Variants in LRIT3 observed in about 807,000 individuals in gnomAD.
The protein encoded by LRIT3 is leucine rich repeat, Ig-like and transmembrane domains 3, also known as leucine-rich repeat, immunoglobulin-like domain and transmembrane domain-containing protein 3.
In LRIT3, 14 loss-of-function variants were observed where a neutral mutation model predicts 22.6. The ratio of observed to expected loss-of-function variants is 0.62; its 90% CI spans 0.41 to 0.97. The LOEUF (loss-of-function observed/expected upper bound fraction) is 0.97. Ranked by LOEUF, LRIT3 falls within the 50% of genes least tolerant of loss-of-function variation. The pLI is 0.00. For missense variants in LRIT3, 783 were observed against 803.0 expected (o/e 0.98, Z 0.30); for synonymous variants, 306 against 304.5 (o/e 1.01, Z -0.05).
Position 109,850,422 on chromosome 4 carries a change from C to CCTCTTTCTTTCTTTCTTTCTTT in LRIT3, c.117-1080_117-1079insCTTTCTTTCTTTCTTTCTTTCT, listed in dbSNP as rs1734205260. 3.6e-5 allele frequency among the ~76,000 whole-genome samples: 2 copies of CCTCTTTCTTTCTTTCTTTCTTT among 55,088 alleles called. 1 individual carries two copies. 36.1% of individuals were successfully genotyped at this position (55,088 alleles called of 152,430 possible). On this transcript the variant is annotated intron_variant, in intron 1 of 3. Coordinates refer to ENST00000594814, the MANE Select transcript of LRIT3 (RefSeq NM_198506.5). ...TCCTTCCTTCCTTCCTTCCTTCCTTCCTTTCTTTCTTTCTTTCTTTCTTTC... is the reference window on the plus strand; with the variant it reads ...TCCTTCCTTCCTTCCTTCCTTCCTTCCTCTTTCTTTCTTTCTTTCTTTCTTTCTTTCTTTCTTTCTTTCTTTC...
At chr4:109,857,217 G>C (rs1342094693) in intron 2 of LRIT3, among the ~76,000 whole-genome samples, 1 of 150,560 alleles carries the variant, frequency 6.6e-6, no homozygotes, top group African/African-American at 2.4e-5. Flanking sequence ...TAGTTTTGTT[G>C]GACTCCATAT....
intron 2 of LRIT3, among the ~76,000 whole-genome samples, chr4:109,852,453 A>T (rs1734296930): frequency 6.6e-6 from 1 of 152,170 alleles, no homozygotes; most frequent in Admixed American, 6.5e-5. Flanking sequence ...AAATTTCCTT[A>T]ATCTAAAAAG....
chr4:109,867,636 T>G lies in LRIT3; in HGVS notation c.590-5T>G, dbSNP rs1209170917. Reference sequence around the variant, plus strand: ...TTTGTCAACCTTTCCCACCTTCTGTTTTAGGTCTACAGGACAATCCTTGGT... The same window carrying G: ...TTTGTCAACCTTTCCCACCTTCTGTGTTAGGTCTACAGGACAATCCTTGGT... On this transcript the variant is annotated splice_region_variant and splice_polypyrimidine_tract_variant and intron_variant, in intron 2 of 3. Coordinates refer to ENST00000594814, the MANE Select transcript of LRIT3 (RefSeq NM_198506.5). 14 of 1,609,200 alleles carry G rather than the reference T, an allele frequency of 8.7e-6. No homozygotes were observed. Among genetic ancestry groups the G allele is most frequent in the Admixed American group, 1.7e-5 (1 of 59,860 alleles).
chr4:109,850,407 C>T (rs1430245066), intron 1 of LRIT3, among the ~76,000 whole-genome samples: 2,343 of 9,316 alleles, frequency 0.25, 76 homozygotes, highest in African/African-American at 0.4. Flanking sequence ...TCCTTCCTTC[C>T]TTCCTTCCTT....
At chr4:109,861,504 A>C (rs1443430663) in intron 2 of LRIT3, among the ~76,000 whole-genome samples, 3 of 147,788 alleles carry the variant, frequency 2.0e-5, no homozygotes, top group Non-Finnish European at 4.5e-5. Flanking sequence ...TTTTCATTTC[A>C]GCTATTCTGG....
chr4:109,860,699 T>A (rs1734515861), intron 2 of LRIT3, among the ~76,000 whole-genome samples: 1 of 152,234 alleles, frequency 6.6e-6, no homozygotes, highest in Admixed American at 6.5e-5. Flanking sequence ...AAGTTCTGTG[T>A]TTCTTTCCAG....
chr4:109,855,741 C>G (rs1002895176), intron 2 of LRIT3, among the ~76,000 whole-genome samples: 6 of 152,156 alleles, frequency 3.9e-5, no homozygotes, highest in African/African-American at 1.4e-4. Flanking sequence ...TATGTTCTGT[C>G]TTTGTTCTCA....
intron 2 of LRIT3, among the ~76,000 whole-genome samples, chr4:109,858,590 A>G (rs149868520): frequency 5.5e-4 from 84 of 152,302 alleles, no homozygotes; most frequent in Non-Finnish European, 9.8e-4. Flanking sequence ...TAGATTGAAC[A>G]TCTTTCCACC....
intron 1 of LRIT3, among the ~76,000 whole-genome samples, chr4:109,850,986 CA>C (rs1266205111): frequency 6.6e-6 from 1 of 151,720 alleles, no homozygotes; most frequent in Non-Finnish European, 1.5e-5. Flanking sequence ...ATTCTCTGAA[CA>C]AGGATTGATT....
chr4:109,850,364 T>TTCC (rs1388702101), intron 1 of LRIT3, among the ~76,000 whole-genome samples: 225 of 824 alleles, frequency 0.27, 1 homozygote, highest in African/African-American at 0.36. Context: ...TCTTCCTTCC[T>TTCC]TCCTTCCTTC....
At chr4:109,850,320 C>T (rs1034613736) in intron 1 of LRIT3, among the ~76,000 whole-genome samples, 2 of 151,086 alleles carry the variant, frequency 1.3e-5, no homozygotes, top group African/African-American at 4.9e-5. Flanking sequence ...TCTCAGATTC[C>T]TCATACTTTA....
chr4:109,867,688 A>G lies in LRIT3; in HGVS notation c.637A>G (p.Ile213Val). 2 of 1,614,156 alleles carry G rather than the reference A, an allele frequency of 1.2e-6. No homozygotes were observed. The highest frequency in any genetic ancestry group is 1.7e-6 in the Non-Finnish European group (2 of 1,179,994). The stretch of plus-strand genomic sequence containing the variant: ...CTGTGACTGTCATATTTCCAAAATG[A>G]TTGAGTTGTCAAAGGTCGTTGACCC... ...WFCDCHISKM[I>V]ELSKVVDPAI... The change falls in exon 3 of 4, where the codon ATT (isoleucine) becomes GTT (valine). Residue 213 changes from isoleucine (I) to valine (V), a missense_variant. Ile to Val is a conservative substitution (Grantham distance 29). This residue lies in a region of LRIT3 where 756 missense variants were observed against 753.8 expected (regional missense o/e 1.00). Coordinates refer to ENST00000594814, the MANE Select transcript of LRIT3 (RefSeq NM_198506.5).
In LRIT3 at chr4:109,870,622, A is replaced by T. The variant is rs1365014237; in HGVS notation, c.1873A>T (p.Thr625Ser). 6.2e-7 allele frequency: 1 copy of T among 1,613,810 alleles called. No homozygotes were observed. Reference sequence around the variant, plus strand: ...TTGGGAAGATGATTTGGCAAAGGAGACTTATATCCAATTTGAGACCCTGTT... The same window carrying T: ...TTGGGAAGATGATTTGGCAAAGGAGTCTTATATCCAATTTGAGACCCTGTT... ...PFWEDDLAKE[T>S]YIQFETLFPR... Residue 625 changes from threonine to serine, a missense_variant, in exon 4 of 4, where the codon ACT (threonine) becomes TCT (serine). Coordinates refer to ENST00000594814, the MANE Select transcript of LRIT3 (RefSeq NM_198506.5).
intron 2 of LRIT3, among the ~76,000 whole-genome samples, chr4:109,860,018 C>T (rs1331342074): frequency 6.6e-6 from 1 of 152,070 alleles, no homozygotes; most frequent in African/African-American, 2.4e-5. Context: ...TTATTGTATC[C>T]ATGAATACTT....
In LRIT3 at chr4:109,869,705, C is replaced by T. The variant is rs761969518; in HGVS notation, c.956C>T (p.Ser319Phe). The change falls in exon 4 of 4, where the codon TCT (serine) becomes TTT (phenylalanine). Residue 319 changes from serine to phenylalanine, a missense_variant. Ser to Phe is a radical substitution (Grantham distance 155). Transcript: ENST00000594814. ...RWSIMSLTGI[S>F]SKDAGDYKCK... ...TCCATAATGAGCTTGACAGGCATTT[C>T]TTCCAAAGACGCTGGGGATTACAAA... The T allele has an allele frequency of 3.7e-6, 6 of 1,601,274 alleles. No individual in the cohort carries two copies. In the African/African-American group the frequency reaches 8.0e-5, roughly 21 times the overall value.
chr4:109,857,953 A>G (rs998711156), intron 2 of LRIT3, among the ~76,000 whole-genome samples: 1 of 132,260 alleles, frequency 7.6e-6, no homozygotes, highest in African/African-American at 4.3e-5. Flanking sequence ...CAAGTGTCCT[A>G]AAGGAGGGAC....
intron 2 of LRIT3, among the ~76,000 whole-genome samples, chr4:109,861,220 A>G (rs1419667237): frequency 6.6e-6 from 1 of 152,004 alleles, no homozygotes; most frequent in Non-Finnish European, 1.5e-5. Context: ...AAATACAAAA[A>G]TTAGCCAGGT....
In LRIT3 at chr4:109,870,077, A is replaced by G. The variant is rs1324175729; in HGVS notation, c.1328A>G (p.Gln443Arg). Residue 443 changes from glutamine to arginine, a missense_variant, in exon 4 of 4, where the codon CAG (glutamine) becomes CGG (arginine). By Grantham distance (43) the Gln-to-Arg change is conservative. Coordinates refer to ENST00000594814, the MANE Select transcript of LRIT3 (RefSeq NM_198506.5). The part of the protein sequence containing the change: ...STTMANKRSF[Q>R]LHQGGKRNLK... ...ACCATGGCCAACAAGCGATCATTCC[A>G]GCTCCACCAAGGTGGGAAAAGAAAT... The G allele has an allele frequency of 1.2e-6, 2 of 1,614,120 alleles. No homozygotes were observed. Among genetic ancestry groups the G allele is most frequent in the East Asian group, 2.2e-5 (1 of 44,900 alleles).
At chr4:109,851,225 GT>G (rs1579371421) in intron 1 of LRIT3, 2 of 343,290 alleles carry the variant, frequency 5.8e-6, no homozygotes, top group African/African-American at 4.2e-5. Context: ...AAGTTGTAGA[GT>G]TTTACATCCA....
Sources: allele counts gnomAD v4.1 joint callset (sites outside exome capture counted in the v4.1 genomes callset), GRCh38; gene constraint gnomAD v4.1.1; regional missense constraint gnomAD v4.1.1; transcripts MANE v1.5; gene names NCBI Gene and HGNC (gene_info 2026-07-23, HGNC 2026-07-21).